Variants in TBKBP1 observed in about 807,000 individuals in gnomAD.
TBKBP1 encodes the protein TBK1 binding protein 1.
In TBKBP1, 47 loss-of-function variants were observed where a neutral mutation model predicts 69.9. The ratio of observed to expected loss-of-function variants is 0.67; its 90% CI spans 0.53 to 0.86. The LOEUF (loss-of-function observed/expected upper bound fraction) is 0.86, where lower values mean the gene tolerates loss of function less well. Among genes scored for constraint, TBKBP1 ranks in the 40% least tolerant of loss-of-function variants. The pLI is 0.00. For synonymous variants in TBKBP1, 418 were observed against 390.3 expected, an observed-to-expected ratio of 1.07 and a Z score of -0.84; for missense variants, 831 against 858.6, an observed-to-expected ratio of 0.97 and a Z score of 0.40.
At chr17:47,709,585 G>A (rs1019544447) in intron 9 of TBKBP1, 133 bp downstream of exon 9, 1 of 1,306,728 alleles carries the variant, frequency 7.7e-7, no homozygotes, top group Non-Finnish European at 9.9e-7. Context: ...CTTGGACCCC[G>A]GGCCACAGTC....
intron 1 of TBKBP1, among the ~76,000 whole-genome samples, chr17:47,694,912 A>C (rs2031157224): frequency 6.9e-6 from 1 of 145,748 alleles, no homozygotes; most frequent in South Asian, 2.2e-4. Flanking sequence ...ATTGAATTGG[A>C]GCCTGCGCCG....
intron 5 of TBKBP1, 150 bp from the exon 6 acceptor site, chr17:47,699,170 C>T: frequency 2.3e-6 from 2 of 853,012 alleles, no homozygotes; most frequent in Non-Finnish European, 3.3e-6. Context: ...GCCCATCTTT[C>T]CTCGCTGCCC....
intron 7 of TBKBP1, among the ~76,000 whole-genome samples, chr17:47,700,289 C>CTTTATTTTTTTTTT (rs2031445717): frequency 2.4e-5 from 1 of 41,476 alleles, no homozygotes. Context: ...GCGCCCGGAC[C>CTTTATTTTTTTTTT]TTTTTTTTTT....
intron 7 of TBKBP1, among the ~76,000 whole-genome samples, chr17:47,701,823 C>G (rs2031517896): frequency 6.6e-6 from 1 of 152,358 alleles, no homozygotes; most frequent in South Asian, 2.1e-4. Context: ...CTCAAGGCTC[C>G]TGCCCTTCTC....
intron 1 of TBKBP1, 78 bp from the exon 2 acceptor site, chr17:47,696,001 G>A (rs2031215234): frequency 1.2e-6 from 1 of 808,142 alleles, no homozygotes; most frequent in Non-Finnish European, 1.9e-6. Flanking sequence ...GCCCCAGGGA[G>A]TGCAGAGCCA....
At chr17:47,700,780 G>C (rs1438413988) in intron 7 of TBKBP1, among the ~76,000 whole-genome samples, 1 of 152,152 alleles carries the variant, frequency 6.6e-6, no homozygotes, top group African/African-American at 2.4e-5. Context: ...AGGGGCAGCA[G>C]AGAGCGGCAA....
At chr17:47,699,224 C>A in intron 5 of TBKBP1, 96 bp from the exon 6 acceptor site, 1 of 1,331,934 alleles carries the variant, frequency 7.5e-7, no homozygotes, top group Non-Finnish European at 9.7e-7. Flanking sequence ...TGGCTTCTCT[C>A]TTGGAGTCCC....
In TBKBP1 at chr17:47,709,056, G is replaced by T. The variant is rs2031813250; in HGVS notation, c.1323G>T (p.Glu441Asp). The change falls in exon 9 of 10, where the codon GAG (glutamate) becomes GAT (aspartate). Residue 441 changes from glutamate to aspartate, a missense_variant. Coordinates refer to ENST00000578982, the MANE Select transcript of TBKBP1 (RefSeq NM_001394755.1). ...CGCCGGGCGAGAGGACGCTGGCCGAGCGCGCCTACGCCAAGCCGCCCAGCC... is the reference window on the plus strand; with the variant it reads ...CGCCGGGCGAGAGGACGCTGGCCGATCGCGCCTACGCCAAGCCGCCCAGCC... ...PPPPGERTLA[E>D]RAYAKPPSHH... The T allele has an allele frequency of 7.6e-7, 1 of 1,324,388 alleles. No homozygotes were observed. Among genetic ancestry groups the T allele is most frequent in the Non-Finnish European group, 9.6e-7 (1 of 1,037,996 alleles). 82.0% of individuals were successfully genotyped at this position (1,324,388 alleles called of 1,614,324 possible).
At chr17:47,697,251 G>T in intron 4 of TBKBP1, 58 bp downstream of exon 4, 1 of 1,455,696 alleles carries the variant, frequency 6.9e-7, no homozygotes, top group Non-Finnish European at 9.5e-7. Context: ...GTGTGTGCAT[G>T]TGTGCATTTA....
At position 47,699,508 on chromosome 17, in the gene TBKBP1, G is replaced by C. The variant is rs1039025469; in HGVS notation, c.810+13G>C. 1.9e-6 allele frequency: 3 copies of C among 1,596,784 alleles called. No individual in the cohort carries two copies. In the South Asian group the frequency reaches 3.3e-5, roughly 18 times the overall value. On this transcript the variant is annotated intron_variant, in intron 6 of 9. Transcript: ENST00000578982. ...GACCCGGGCCCAGGTAAATGCAGGG[G>C]CCTGGAACAGCTTCTGGAGGTCCAG...
chr17:47,709,419 C>T lies in TBKBP1; in HGVS notation c.1686C>T (p.His562=), dbSNP rs767606161. Residue 562 remains histidine (H), a synonymous_variant, in exon 9 of 10, where the codon CAC becomes CAT. Transcript: ENST00000578982. ...CGCCCGCCGCCACCGCCTACGCCCA[C>T]GCCGAGCACGCGCAGTCCTGGCCGT... ...PESPAATAYA[H]AEHAQSWPSI... is the part of the protein sequence containing the mutation. 6.8e-5 allele frequency: 105 copies of T among 1,542,002 alleles called. No individual in the cohort carries two copies. The highest frequency in any genetic ancestry group is 2.3e-4 in the Middle Eastern group (1 of 4,396).
chr17:47,707,208 A>G (rs1409166616), intron 7 of TBKBP1, among the ~76,000 whole-genome samples: 1 of 152,256 alleles, frequency 6.6e-6, no homozygotes, highest in East Asian at 1.9e-4. Context: ...GCAGGGCCCA[A>G]GGGCATGGCA....
intron 9 of TBKBP1, among the ~76,000 whole-genome samples, chr17:47,710,218 C>T (rs1344311522): frequency 6.6e-6 from 1 of 152,216 alleles, no homozygotes; most frequent in Non-Finnish European, 1.5e-5. Context: ...GTCTTAGTCA[C>T]TCTGGGGGCA....
intron 7 of TBKBP1, among the ~76,000 whole-genome samples, chr17:47,700,155 T>C (rs1246527836): frequency 1.3e-5 from 2 of 151,068 alleles, no homozygotes; most frequent in Non-Finnish European, 3.0e-5. Context: ...CCTGGCTAAT[T>C]TTTTTTTGTA....
intron 1 of TBKBP1, chr17:47,695,507 C>T (rs2031187370): frequency 6.6e-6 from 1 of 152,616 alleles, no homozygotes; most frequent in African/African-American, 2.4e-5. Context: ...TGCCACAGCC[C>T]CGGTGCGCCC....
chr17:47,698,854 AC>A, intron 5 of TBKBP1, 79 bp downstream of exon 5: 1 of 1,279,614 alleles, frequency 7.8e-7, no homozygotes, highest in Non-Finnish European at 1.1e-6. Context: ...GCACTTACTT[AC>A]CATCCCATTT....
Position 47,708,582 on chromosome 17 carries a change from C to G in TBKBP1, c.991+70C>G. On this transcript the variant is annotated intron_variant, in intron 8 of 9. Transcript: ENST00000578982. The surrounding 1 kb of genome is among the most constrained non-coding windows in gnomAD (Gnocchi z 4.4). ...AGGAGCGGGTAGCCATGGCAACCATCTTGGTCATGGGGACCACCCTTTATT... is the reference window on the plus strand; with the variant it reads ...AGGAGCGGGTAGCCATGGCAACCATGTTGGTCATGGGGACCACCCTTTATT... 6.4e-7 allele frequency: 1 copy of G among 1,558,162 alleles called. No individual in the cohort carries two copies. The highest frequency in any genetic ancestry group is 8.8e-7 in the Non-Finnish European group (1 of 1,137,854).
chr17:47,697,895 G>A (rs2031312151), intron 4 of TBKBP1, among the ~76,000 whole-genome samples: 1 of 142,288 alleles, frequency 7.0e-6, no homozygotes, highest in Non-Finnish European at 1.5e-5. Flanking sequence ...GCTTTGGTGA[G>A]CCAAGATCAA....
intron 9 of TBKBP1, 146 bp from the exon 10 acceptor site, chr17:47,710,352 G>A: frequency 9.3e-7 from 1 of 1,070,196 alleles, no homozygotes; most frequent in Non-Finnish European, 1.3e-6. Flanking sequence ...CTGGTGTGGG[G>A]GAGGACGGTG....
Sources: gnomAD v4.1 joint callset for allele counts (sites outside exome capture counted in the v4.1 genomes callset) on GRCh38, gnomAD v4.1.1 for gene constraint, Gnocchi (gnomAD v3.1) non-coding constraint, MANE v1.5 for transcripts, NCBI Gene and HGNC (gene_info 2026-07-23, HGNC 2026-07-21) for gene names.